The following ASCC3 variants were observed in gnomAD, a reference collection of about 807,000 sequenced individuals.
ASCC3 encodes the protein activating signal cointegrator 1 complex subunit 3.
Under a neutral mutation model 256.3 loss-of-function variants are expected in ASCC3, and 158 were observed. The ratio of observed to expected loss-of-function variants is 0.62; its 90% CI spans 0.54 to 0.70. ASCC3 has a LOEUF of 0.70. Ranked by LOEUF, ASCC3 falls within the 30% of genes least tolerant of loss-of-function variation. The pLI, the probability that ASCC3 is intolerant of heterozygous loss-of-function variation, is 0.00. For synonymous variants in ASCC3, 948 were observed against 883.4 expected, an observed-to-expected ratio of 1.07 and a Z score of -1.30; for missense variants, 2,259 against 2,626.0, an observed-to-expected ratio of 0.86 and a Z score of 3.05.
intron 36 of ASCC3, among the ~76,000 whole-genome samples, chr6:100,569,541 C>T (rs1275901470): frequency 6.6e-6 from 1 of 151,930 alleles, no homozygotes; most frequent in Non-Finnish European, 1.5e-5. Context: ...CACCAACATG[C>T]CAGGCTAATT....
Position 100,663,190 on chromosome 6 carries a change from T to C in ASCC3, c.2287-654A>G, listed in dbSNP as rs527344345. ...ATCTTTGATAGCAAAGCATTGACCATCTGTTTTAGCTCCTCAACTATAGAT... is the reference window on the plus strand; with the variant it reads ...ATCTTTGATAGCAAAGCATTGACCACCTGTTTTAGCTCCTCAACTATAGAT... On this transcript the variant is annotated intron_variant, in intron 14 of 41. Coordinates refer to ENST00000369162, the MANE Select transcript of ASCC3 (RefSeq NM_006828.4). 4.6e-5 allele frequency among the ~76,000 whole-genome samples: 7 copies of C among 152,192 alleles called. No homozygotes were observed. In the East Asian group the frequency reaches 9.6e-4, roughly 21 times the overall value.
intron 13 of ASCC3, among the ~76,000 whole-genome samples, chr6:100,687,011 A>ATCTCTC (rs374661172): frequency 2.3e-4 from 32 of 141,636 alleles, no homozygotes; most frequent in African/African-American, 7.2e-4. Context: ...CTGTACTTAA[A>ATCTCTC]TCTCTCTCTC....
chr6:100,812,613 AG>A (rs1770528403), intron 4 of ASCC3, among the ~76,000 whole-genome samples: 3 of 152,218 alleles, frequency 2.0e-5, no homozygotes, highest in Admixed American at 2.0e-4. Flanking sequence ...ACTGGAAGAC[AG>A]ATGGATATTA....
chr6:100,739,368 C>A (rs897748003), intron 10 of ASCC3, among the ~76,000 whole-genome samples: 2 of 152,098 alleles, frequency 1.3e-5, no homozygotes, highest in African/African-American at 4.8e-5. Context: ...ATTTTTGCAC[C>A]GAAGCTCATC....
chr6:100,687,393 C>T (rs1348006615), intron 13 of ASCC3, among the ~76,000 whole-genome samples: 2 of 152,036 alleles, frequency 1.3e-5, no homozygotes, highest in African/African-American at 2.4e-5. Context: ...GACAGTGTCT[C>T]GCTCTGTCGC....
chr6:100,608,153 T>C (rs1187284229), intron 30 of ASCC3, among the ~76,000 whole-genome samples: 84 of 119,856 alleles, frequency 7.0e-4, no homozygotes, highest in African/African-American at 2.7e-3. Flanking sequence ...TATCTATATA[T>C]ACATATTTAT....
At chr6:100,711,041 T>A (rs1778830553) in intron 13 of ASCC3, among the ~76,000 whole-genome samples, 1 of 152,188 alleles carries the variant, frequency 6.6e-6, no homozygotes, top group Non-Finnish European at 1.5e-5. Context: ...ATGGCTACAT[T>A]TATTTATCAA....
At chr6:100,719,650 T>C (rs892249059) in intron 11 of ASCC3, among the ~76,000 whole-genome samples, 12 of 152,006 alleles carry the variant, frequency 7.9e-5, no homozygotes, top group African/African-American at 2.9e-4. Flanking sequence ...GAAATAGAAA[T>C]AATCTGGAAT....
In ASCC3 at chr6:100,767,269, G is replaced by C; in HGVS notation, c.1472C>G (p.Thr491Ser). ...QSIVFETAYN[T>S]NENMLICAPT... is the part of the protein sequence containing the mutation. ...GGCACAAATCAGCATGTTCTCATTG[G>C]TGTTGTAGGCAGTCTCAAACACTAT... Residue 491 changes from threonine to serine, a missense_variant, in exon 9 of 42, where the codon ACC becomes AGC. Coordinates refer to ENST00000369162, the MANE Select transcript of ASCC3 (RefSeq NM_006828.4). 6.2e-7 allele frequency: 1 copy of C among 1,613,908 alleles called. No homozygotes were observed. Among genetic ancestry groups the C allele is most frequent in the Non-Finnish European group, 8.5e-7 (1 of 1,179,970 alleles).
intron 36 of ASCC3, among the ~76,000 whole-genome samples, chr6:100,569,494 T>C (rs1186794594): frequency 1.3e-5 from 2 of 152,108 alleles, no homozygotes; most frequent in African/African-American, 2.4e-5. Flanking sequence ...ACCATTCTCC[T>C]GCCTCAGCCT....
In ASCC3 at chr6:100,540,397, A is replaced by C. The variant is rs368640385; in HGVS notation, c.5551-10T>G. ...TATATTCTTCTGCATCCTGAAAAAA[A>C]AAAAAAGCCCCACATTGTTGGATCA... On this transcript the variant is annotated splice_polypyrimidine_tract_variant and intron_variant, in intron 36 of 41. Coordinates refer to ENST00000369162, the MANE Select transcript of ASCC3 (RefSeq NM_006828.4). The C allele has an allele frequency of 2.8e-5, 45 of 1,605,822 alleles. 1 individual carries two copies. Among genetic ancestry groups the C allele is most frequent in the East Asian group, 1.3e-4 (6 of 44,820 alleles).
intron 11 of ASCC3, among the ~76,000 whole-genome samples, chr6:100,723,363 C>G (rs1172107993): frequency 1.3e-5 from 2 of 151,584 alleles, no homozygotes; most frequent in East Asian, 3.9e-4. Flanking sequence ...ACATAGGTTT[C>G]ATTTATAACT....
chr6:100,619,492 T>C (rs1331606197), intron 30 of ASCC3, among the ~76,000 whole-genome samples: 2 of 152,200 alleles, frequency 1.3e-5, no homozygotes, highest in African/African-American at 2.4e-5. Flanking sequence ...CAATCCTATA[T>C]ATTAACCATA....
intron 37 of ASCC3, 56 bp from the exon 38 acceptor site, chr6:100,518,198 C>T: frequency 1.9e-6 from 3 of 1,584,534 alleles, no homozygotes; most frequent in South Asian, 1.1e-5. Context: ...TTGCCCCCTC[C>T]ACTGGGATTC....
chr6:100,708,142 A>T (rs757006764), intron 13 of ASCC3, among the ~76,000 whole-genome samples: 4 of 152,152 alleles, frequency 2.6e-5, no homozygotes, highest in Non-Finnish European at 5.9e-5. Context: ...CAAAGTTTTC[A>T]CCTTCCTTGA....
At chr6:100,697,314 A>T (rs1778137319) in intron 13 of ASCC3, among the ~76,000 whole-genome samples, 1 of 152,080 alleles carries the variant, frequency 6.6e-6, no homozygotes, top group Admixed American at 6.6e-5. Flanking sequence ...TGCTTGAGAC[A>T]TAAAGATGGA....
intron 20 of ASCC3, among the ~76,000 whole-genome samples, chr6:100,649,870 G>T (rs1177914202): frequency 6.6e-6 from 1 of 151,450 alleles, no homozygotes; most frequent in Admixed American, 6.6e-5. Flanking sequence ...GATAAATAGG[G>T]TAAAATATAA....
chr6:100,608,057 TAC>T lies in ASCC3; in HGVS notation c.4786-971_4786-970del, dbSNP rs1397026159. On this transcript the variant is annotated intron_variant, in intron 30 of 41. Coordinates refer to ENST00000369162, the MANE Select transcript of ASCC3 (RefSeq NM_006828.4). ...TTATATATACATACATATACATATA[TAC>T]ACATATATATACATATATATGTATA... 1.1e-4 allele frequency among the ~76,000 whole-genome samples: 15 copies of T among 130,856 alleles called. No individual in the cohort carries two copies. The South Asian group carries it at 2.9e-3, about 25-fold the overall frequency. 85.8% of individuals were successfully genotyped at this position (130,856 alleles called of 152,430 possible). A position where few individuals can be genotyped will look rare whatever the true frequency, so the allele number is the denominator to read the frequency against.
intron 14 of ASCC3, among the ~76,000 whole-genome samples, chr6:100,671,256 C>T (rs1562214728): frequency 3.9e-5 from 6 of 152,092 alleles, no homozygotes; most frequent in Non-Finnish European, 1.5e-5. Context: ...AACTTGTTTA[C>T]TATAAGATGC....
Sources: allele counts gnomAD v4.1 joint callset (sites outside exome capture counted in the v4.1 genomes callset), GRCh38; gene constraint gnomAD v4.1.1; transcripts MANE v1.5; gene names NCBI Gene and HGNC (gene_info 2026-07-23, HGNC 2026-07-21).